ETS2: variants seen among roughly 807,000 people sequenced by gnomAD.
ETS2 encodes ETS proto-oncogene 2, transcription factor, also known as protein C-ets-2.
A neutral mutation model predicts 54.9 loss-of-function variants in ETS2; 19 were observed. The ratio of observed to expected loss-of-function variants is 0.35; its 90% CI spans 0.24 to 0.51. The LOEUF (loss-of-function observed/expected upper bound fraction) is 0.51. ETS2 is among the 20% of genes least tolerant of loss of function. The pLI is 0.97. For synonymous variants in ETS2, 219 were observed against 229.3 expected (o/e 0.95, Z 0.41); for missense variants, 417 against 593.0 (o/e 0.70, Z 3.08).
chr21:38,822,676 G>A lies in ETS2; in HGVS notation c.1197G>A (p.Val399=), dbSNP rs755633509. 48 of 1,612,996 alleles carry A rather than the reference G, an allele frequency of 3.0e-5. No individual in the cohort carries two copies. The highest frequency in any genetic ancestry group is 4.1e-5 in the Non-Finnish European group (48 of 1,179,372). ...WEFKLADPDE[V]ARRWGKRKNK... The stretch of plus-strand genomic sequence containing the variant: ...TTTTCCATCCATGTTCACCAAAGGT[G>A]GCCCGCCGGTGGGGAAAGAGGAAAA... Residue 399 remains valine (V), a splice_region_variant and synonymous_variant, in exon 10 of 10, where the codon GTG becomes GTA. Coordinates refer to ENST00000360938, the MANE Select transcript of ETS2 (RefSeq NM_005239.6).
chr21:38,808,947 A>C (rs192285315), intron 1 of ETS2, among the ~76,000 whole-genome samples: 1 of 152,314 alleles, frequency 6.6e-6, no homozygotes, highest in Non-Finnish European at 1.5e-5. Context: ...GTCTCTGAAA[A>C]TGAGTTTTAG....
chr21:38,822,605 A>T, intron 9 of ETS2, 69 bp from the exon 10 acceptor site: 3 of 1,327,950 alleles, frequency 2.3e-6, no homozygotes, highest in Non-Finnish European at 3.2e-6. Flanking sequence ...ATAATCAGGG[A>T]GGAATGTCAT....
At position 38,814,695 on chromosome 21, in the gene ETS2, G is replaced by A; in HGVS notation, c.305-86G>A. 8.3e-7 allele frequency: 1 copy of A among 1,210,770 alleles called. No individual in the cohort carries two copies. The highest frequency in any genetic ancestry group is 1.2e-6 in the Non-Finnish European group (1 of 829,902). The allele number at this position is 1,210,770 out of a possible 1,614,324, so 75.0% of individuals were successfully genotyped here. On this transcript the variant is annotated intron_variant, in intron 4 of 9. Transcript: ENST00000360938. The surrounding 1 kb of genome is among the most constrained non-coding windows in gnomAD (Gnocchi z 4.2). Reference sequence around the variant, plus strand: ...TGGGTTCTGGTGTATGTCGGTACTTGGTGCATAAATTAGGGATGACAGTGG... The same window carrying A: ...TGGGTTCTGGTGTATGTCGGTACTTAGTGCATAAATTAGGGATGACAGTGG...
intron 2 of ETS2, among the ~76,000 whole-genome samples, chr21:38,812,502 C>G (rs1037506960): frequency 1.3e-5 from 2 of 152,192 alleles, no homozygotes; most frequent in African/African-American, 4.8e-5. Flanking sequence ...CCACAGTGGC[C>G]GGGCACCGTG....
At chr21:38,818,710 T>G in intron 7 of ETS2, 64 bp downstream of exon 7, 1 of 1,562,314 alleles carries the variant, frequency 6.4e-7, no homozygotes, top group Non-Finnish European at 8.8e-7. Context: ...AGAGCCATAA[T>G]GAACCTCTTA....
intron 7 of ETS2, 31 bp downstream of exon 7, chr21:38,818,677 G>A: frequency 3.7e-6 from 6 of 1,612,420 alleles, no homozygotes; most frequent in Non-Finnish European, 5.1e-6. Context: ...CAACAAGGCT[G>A]TTGCTTTGAT....
Position 38,806,986 on chromosome 21 carries a change from G to A in ETS2, c.-1+866G>A, listed in dbSNP as rs1266899833. ...TGAGCAGTCCCCTTTGGAGACAGGAGTAATTTATTTTAATTCGCCAGTAAG... is the reference window on the plus strand; with the variant it reads ...TGAGCAGTCCCCTTTGGAGACAGGAATAATTTATTTTAATTCGCCAGTAAG... On this transcript the variant is annotated intron_variant, in intron 1 of 9. Coordinates refer to ENST00000360938, the MANE Select transcript of ETS2 (RefSeq NM_005239.6). This position sits in a 1 kb window ranked among gnomAD's most constrained non-coding sequence, Gnocchi z 4.3. Among the ~76,000 whole-genome samples, 1 of 152,200 alleles carries A rather than the reference G, an allele frequency of 6.6e-6. No individual in the cohort carries two copies. Among genetic ancestry groups the A allele is most frequent in the Non-Finnish European group, 1.5e-5 (1 of 68,036 alleles).
rs61735785 is a variant in ETS2 at position 38,818,484 on chromosome 21, C to A, written c.649C>A (p.Leu217Ile). Reference protein sequence around the residue: ...MQTQNYPKGGLLDSMCPASTP... With the variant: ...MQTQNYPKGGILDSMCPASTP... ...GACACAGAATTACCCCAAAGGCGGC[C>A]TCCTGGACAGCATGTGTCCGGCCTC... The change falls in exon 7 of 10, where the codon CTC becomes ATC. Residue 217 changes from leucine (L) to isoleucine (I), a missense_variant. Leu to Ile is a conservative substitution (Grantham distance 5, BLOSUM62 2). Around this residue, in one of 3 missense-constraint regions of ETS2, gnomAD observed 326 missense variants for 426.1 expected, o/e 0.76. Coordinates refer to ENST00000360938, the MANE Select transcript of ETS2 (RefSeq NM_005239.6). 15,062 of 1,614,172 alleles carry A rather than the reference C, an allele frequency of 9.3e-3. 100 individuals are homozygous for A. Among genetic ancestry groups the A allele is most frequent in the Middle Eastern group, 0.013 (79 of 6,062 alleles).
At position 38,822,680 on chromosome 21, in the gene ETS2, C is replaced by T. The variant is rs1389242494; in HGVS notation, c.1201C>T (p.Arg401Cys). 1 of 1,613,040 alleles carries T rather than the reference C, an allele frequency of 6.2e-7. No homozygotes were observed. The highest frequency in any genetic ancestry group is 8.5e-7 in the Non-Finnish European group (1 of 1,179,424). ...CCATCCATGTTCACCAAAGGTGGCC[C>T]GCCGGTGGGGAAAGAGGAAAAATAA... ...FKLADPDEVARRWGKRKNKPK... is the reference protein window; with the variant it reads ...FKLADPDEVACRWGKRKNKPK... The change falls in exon 10 of 10, where the codon CGC (arginine) becomes TGC (cysteine). Residue 401 changes from arginine (R) to cysteine (C), a missense_variant. Physicochemically the swap from Arg to Cys is radical, Grantham distance 180 (BLOSUM62 -3). Transcript: ENST00000360938.
rs1323927458 is a variant in ETS2, at chr21:38,819,643, T to A, written c.952T>A (p.Cys318Ser). The A allele has an allele frequency of 3.7e-6, 6 of 1,614,198 alleles. No individual in the cohort carries two copies. The East Asian group carries it at 1.3e-4, about 36-fold the overall frequency. The change falls in exon 8 of 10, where the codon TGC becomes AGC. Residue 318 changes from cysteine to serine, a missense_variant. Physicochemically the swap from Cys to Ser is moderately radical, Grantham distance 112. Transcript: ENST00000360938. The stretch of plus-strand genomic sequence containing the variant: ...TTCCTTCGAGAGCTTCGAAGATGAC[T>A]GCAGCCAGTCTCTCTGCCTCAATAA... Reference protein sequence around the residue: ...VPSFESFEDDCSQSLCLNKPT... With the variant: ...VPSFESFEDDSSQSLCLNKPT...
At chr21:38,805,513 C>A (rs1462532864), upstream of ETS2, 6 of 1,287,776 alleles carry the variant, frequency 4.7e-6, no homozygotes, top group Non-Finnish European at 6.1e-6. The surrounding 1 kb of genome is among the most constrained non-coding windows in gnomAD (Gnocchi z 5.2). Flanking sequence ...GCCCGGCTCC[C>A]AGGGCGCACA....
Position 38,818,573 on chromosome 21 carries a change from C to T in ETS2, c.738C>T (p.Ser246=), listed in dbSNP as rs1205770573. Residue 246 remains serine (S), a synonymous_variant, in exon 7 of 10, where the codon TCC becomes TCT. Transcript: ENST00000360938. ...TGTTCCCCAAGTCTCGGCTCAGCTC[C>T]GTCAGCGTCACCTACTGCTCTGTCA... ...FQMFPKSRLS[S]VSVTYCSVSQ... The T allele has an allele frequency of 9.3e-6, 15 of 1,614,028 alleles. No individual in the cohort carries two copies. The highest frequency in any genetic ancestry group is 3.3e-5 in the Admixed American group (2 of 59,996).
At chr21:38,817,259 C>T (rs558903271) in intron 6 of ETS2, among the ~76,000 whole-genome samples, 168 bp downstream of exon 6, 1 of 152,126 alleles carries the variant, frequency 6.6e-6, no homozygotes, top group African/African-American at 2.4e-5. Context: ...TGGTCCACAT[C>T]GAGATGTGTA....
At position 38,822,742 on chromosome 21, in the gene ETS2, A is replaced by G. The variant is rs747344602; in HGVS notation, c.1263A>G (p.Leu421=). The change falls in exon 10 of 10, where the codon TTA becomes TTG. Residue 421 remains leucine (L), a synonymous_variant. Transcript: ENST00000360938. ...KMNYEKLSRG[L]RYYYDKNIIH... is the part of the protein sequence containing the mutation. ...ACTACGAGAAGCTGAGCCGGGGCTT[A>G]CGCTACTATTACGACAAGAACATCA... 1.2e-6 allele frequency: 2 copies of G among 1,614,228 alleles called. No homozygotes were observed. Among genetic ancestry groups the G allele is most frequent in the Admixed American group, 3.3e-5 (2 of 60,030 alleles).
At chr21:38,808,590 A>ATGTGTGTGTGTGTGTGTGTG (rs56269044) in intron 1 of ETS2, among the ~76,000 whole-genome samples, 47 of 148,342 alleles carry the variant, frequency 3.2e-4, no homozygotes, top group African/African-American at 1.0e-3. Context: ...GTGTGTGTGT[A>ATGTGTGTGTGTGTGTGTGTG]TGTGTGTGTG....
upstream of ETS2, chr21:38,805,810 C>A: frequency 1.1e-6 from 1 of 912,134 alleles, no homozygotes; most frequent in Non-Finnish European, 1.4e-6. The surrounding 1 kb of genome is among the most constrained non-coding windows in gnomAD (Gnocchi z 5.2). Context: ...CCTTCCCTCC[C>A]CTCTCTCTTC....
At chr21:38,805,308 G>C, upstream of ETS2, 6 of 1,249,942 alleles carry the variant, frequency 4.8e-6, no homozygotes, top group Non-Finnish European at 5.2e-6. This position sits in a 1 kb window ranked among gnomAD's most constrained non-coding sequence, Gnocchi z 5.2. Flanking sequence ...TTTTGTGATA[G>C]AATGATCATT....
chr21:38,815,665 T>C lies in ETS2; in HGVS notation c.505+684T>C, dbSNP rs376623211. ...AGAAAAGAGGGCCAGGTGCGGTGGC[T>C]CACACCTGTAATCCCAGCACTTTGG... On this transcript the variant is annotated intron_variant, in intron 5 of 9. Coordinates refer to ENST00000360938, the MANE Select transcript of ETS2 (RefSeq NM_005239.6). Among the ~76,000 whole-genome samples the C allele has an allele frequency of 2.6e-5, 4 of 151,776 alleles. No homozygotes were observed. In the East Asian group the frequency reaches 5.9e-4, roughly 22 times the overall value.
chr21:38,805,477 C>T (rs2060887754), upstream of ETS2: 1 of 1,288,100 alleles, frequency 7.8e-7, no homozygotes, highest in Non-Finnish European at 1.0e-6. The surrounding 1 kb of genome is among the most constrained non-coding windows in gnomAD (Gnocchi z 5.2). Flanking sequence ...CCAGAGAGGA[C>T]GCCGAGCGCT....
Sources: gnomAD v4.1 joint callset for allele counts (sites outside exome capture counted in the v4.1 genomes callset) on GRCh38, gnomAD v4.1.1 for gene constraint, gnomAD v4.1.1 regional missense constraint, Gnocchi (gnomAD v3.1) non-coding constraint, MANE v1.5 for transcripts, NCBI Gene and HGNC (gene_info 2026-07-23, HGNC 2026-07-21) for gene names.